The following ANGPT1 variants were observed in gnomAD, a reference collection of about 807,000 sequenced individuals.
The protein encoded by ANGPT1 is angiopoietin 1, also known as angiopoietin-1.
A neutral mutation model predicts 62.2 loss-of-function variants in ANGPT1; 17 were observed. That is an observed-to-expected ratio of 0.27 (90% CI 0.19 to 0.41). The LOEUF (loss-of-function observed/expected upper bound fraction) is 0.41, where lower values mean the gene tolerates loss of function less well. ANGPT1 is among the 10% of genes least tolerant of loss of function. The pLI is 1.00. For synonymous variants in ANGPT1, 199 were observed against 198.9 expected (o/e 1.00, Z 0.00); for missense variants, 478 against 594.9 (o/e 0.80, Z 2.04).
At chr8:107,379,210 G>T (rs1434606131) in intron 1 of ANGPT1, among the ~76,000 whole-genome samples, 1 of 152,008 alleles carries the variant, frequency 6.6e-6, no homozygotes, top group Non-Finnish European at 1.5e-5. Flanking sequence ...TTTTGTTACT[G>T]TCTTTAAATT....
intron 1 of ANGPT1, among the ~76,000 whole-genome samples, chr8:107,469,203 G>A (rs1812282877): frequency 6.6e-6 from 1 of 152,002 alleles, no homozygotes; most frequent in Non-Finnish European, 1.5e-5. Context: ...TTAAGGGAAT[G>A]CAAAGTACAT....
chr8:107,442,189 A>G (rs1302404014), intron 1 of ANGPT1, among the ~76,000 whole-genome samples: 1 of 152,234 alleles, frequency 6.6e-6, no homozygotes. Flanking sequence ...CATGTTTCAC[A>G]TATGCTCATG....
intron 1 of ANGPT1, among the ~76,000 whole-genome samples, chr8:107,495,830 A>T (rs1217251134): frequency 1.3e-5 from 2 of 152,166 alleles, no homozygotes; most frequent in Non-Finnish European, 2.9e-5. Flanking sequence ...ATTGTAAAAA[A>T]CCTGAGAGTT....
intron 1 of ANGPT1, among the ~76,000 whole-genome samples, chr8:107,349,588 G>A (rs1037648541): frequency 2.6e-5 from 4 of 152,056 alleles, no homozygotes; most frequent in Admixed American, 6.6e-5. Flanking sequence ...ACAGAGCTAC[G>A]TGTTTTCCTT....
intron 7 of ANGPT1, among the ~76,000 whole-genome samples, chr8:107,274,719 T>G (rs1813819044): frequency 6.6e-6 from 1 of 152,176 alleles, no homozygotes; most frequent in Admixed American, 6.5e-5. Flanking sequence ...TTCTGGTATC[T>G]AGATCAAGAA....
At chr8:107,347,701 G>A (rs1815835762) in intron 1 of ANGPT1, among the ~76,000 whole-genome samples, 1 of 152,070 alleles carries the variant, frequency 6.6e-6, no homozygotes, top group African/African-American at 2.4e-5. Flanking sequence ...TAAAATATAG[G>A]CAATGATATA....
intron 1 of ANGPT1, among the ~76,000 whole-genome samples, chr8:107,441,317 C>A (rs980316081): frequency 1.3e-5 from 2 of 152,292 alleles, no homozygotes; most frequent in Middle Eastern, 3.4e-3. Context: ...TTATTTTCTA[C>A]CCCTAGGGAT....
intron 1 of ANGPT1, among the ~76,000 whole-genome samples, chr8:107,493,934 A>C (rs1813029930): frequency 6.6e-6 from 1 of 150,614 alleles, no homozygotes; most frequent in South Asian, 2.2e-4. Flanking sequence ...TTAACCAAAA[A>C]ATGTTGTCAA....
At chr8:107,259,744 A>T (rs73309762) in intron 8 of ANGPT1, among the ~76,000 whole-genome samples, 1,863 of 152,220 alleles carry the variant, frequency 0.012, 54 homozygotes, top group African/African-American at 0.043. Flanking sequence ...TAACATTAAT[A>T]ATTTTAGTTA....
chr8:107,412,036 G>A (rs547184499), intron 1 of ANGPT1, among the ~76,000 whole-genome samples: 2 of 152,122 alleles, frequency 1.3e-5, no homozygotes, highest in African/African-American at 4.8e-5. Flanking sequence ...TTGCATTGTA[G>A]GATGCTTAGC....
At chr8:107,358,915 C>G (rs1232579036) in intron 1 of ANGPT1, among the ~76,000 whole-genome samples, 3 of 152,088 alleles carry the variant, frequency 2.0e-5, no homozygotes, top group Non-Finnish European at 4.4e-5. Context: ...AAATAAATTA[C>G]TACATATAAA....
At chr8:107,427,561 G>A (rs528492311) in intron 1 of ANGPT1, among the ~76,000 whole-genome samples, 132 of 152,300 alleles carry the variant, frequency 8.7e-4, no homozygotes, top group African/African-American at 2.9e-3. Context: ...TCAATGTCCA[G>A]TGTTGTTTAC....
chr8:107,290,200 T>C (rs552582768), intron 6 of ANGPT1, among the ~76,000 whole-genome samples: 72 of 152,226 alleles, frequency 4.7e-4, no homozygotes, highest in Non-Finnish European at 7.4e-4. Flanking sequence ...TGTAATTACA[T>C]GTGATGGAAA....
At chr8:107,277,260 G>C (rs769155085) in intron 7 of ANGPT1, among the ~76,000 whole-genome samples, 1 of 151,944 alleles carries the variant, frequency 6.6e-6, no homozygotes, top group Non-Finnish European at 1.5e-5. Context: ...CTGTTCCCAA[G>C]ATCTGAAAAT....
intron 3 of ANGPT1, among the ~76,000 whole-genome samples, chr8:107,332,609 G>A (rs1240900149): frequency 6.6e-5 from 10 of 152,186 alleles, no homozygotes; most frequent in Admixed American, 2.0e-4. Context: ...GCATGTTTGT[G>A]TAGTATAATC....
intron 7 of ANGPT1, among the ~76,000 whole-genome samples, chr8:107,269,563 C>T (rs1484677705): frequency 5.9e-5 from 9 of 151,946 alleles, no homozygotes; most frequent in Non-Finnish European, 1.5e-5. Flanking sequence ...ATACATCTCC[C>T]AAAATAACAG....
chr8:107,395,715 A>G (rs180749466), intron 1 of ANGPT1, among the ~76,000 whole-genome samples: 2 of 152,292 alleles, frequency 1.3e-5, no homozygotes, highest in African/African-American at 4.8e-5. Flanking sequence ...TTATTTATGT[A>G]TGTGTTTCTT....
intron 5 of ANGPT1, chr8:107,294,869 A>C (rs1814373241): frequency 1.3e-5 from 2 of 152,182 alleles, no homozygotes; most frequent in Admixed American, 1.3e-4. Flanking sequence ...TAATTGATGT[A>C]GCATGAATGT....
chr8:107,263,553 C>T (rs2514882), intron 8 of ANGPT1, among the ~76,000 whole-genome samples: 129,354 of 151,958 alleles, frequency 0.85, 55,076 homozygotes, highest in Middle Eastern at 0.89. Context: ...GTAAGTGATG[C>T]ATTACATCAC....
Sources: gnomAD v4.1 joint callset for allele counts (sites outside exome capture counted in the v4.1 genomes callset) on GRCh38, gnomAD v4.1.1 for gene constraint, MANE v1.5 for transcripts, NCBI Gene and HGNC (gene_info 2026-07-23, HGNC 2026-07-21) for gene names.